The following SLC44A5 variants were observed in gnomAD, a reference collection of about 807,000 sequenced individuals.
The protein encoded by SLC44A5 is choline transporter-like protein 5.
Under a neutral mutation model 101.8 loss-of-function variants are expected in SLC44A5, and 57 were observed. That is an observed-to-expected ratio of 0.56 (90% CI 0.45 to 0.70). The LOEUF (loss-of-function observed/expected upper bound fraction) is 0.70. SLC44A5 is among the 30% of genes least tolerant of loss of function. The pLI, the probability that SLC44A5 is intolerant of heterozygous loss-of-function variation, is 0.00. For missense variants in SLC44A5, 737 were observed against 853.1 expected, an observed-to-expected ratio of 0.86 and a Z score of 1.70; for synonymous variants, 281 against 290.9, an observed-to-expected ratio of 0.97 and a Z score of 0.35.
the SLC44A5 span, among the ~76,000 whole-genome samples, chr1:75,664,494 C>T: frequency 6.6e-6 from 1 of 151,998 alleles, no homozygotes; most frequent in Non-Finnish European, 1.5e-5. Flanking sequence ...GTACAAAAAT[C>T]AGTAGGATTC....
chr1:75,564,210 C>A (rs561115148), intron 1 of SLC44A5, among the ~76,000 whole-genome samples: 1 of 152,256 alleles, frequency 6.6e-6, no homozygotes, highest in Non-Finnish European at 1.5e-5. Context: ...ATCTACTGTG[C>A]TAAACCCAAA....
the SLC44A5 span, among the ~76,000 whole-genome samples, chr1:75,658,264 TG>T: frequency 6.6e-6 from 1 of 151,970 alleles, no homozygotes; most frequent in Non-Finnish European, 1.5e-5. Flanking sequence ...TTTGTAGAGA[TG>T]GGGTTTCACC....
the SLC44A5 span, among the ~76,000 whole-genome samples, chr1:75,676,361 C>T: frequency 1.3e-5 from 2 of 152,140 alleles, no homozygotes; most frequent in Non-Finnish European, 2.9e-5. Flanking sequence ...AAATACTATG[C>T]AGATGCAGCC....
chr1:75,627,038 T>C, the SLC44A5 span, among the ~76,000 whole-genome samples: 1 of 152,172 alleles, frequency 6.6e-6, no homozygotes, highest in African/African-American at 2.4e-5. Context: ...TTCAATCACA[T>C]TGTTTTTTCA....
chr1:75,473,403 A>T (rs908406437), intron 2 of SLC44A5, among the ~76,000 whole-genome samples: 2 of 152,222 alleles, frequency 1.3e-5, no homozygotes, highest in Non-Finnish European at 2.9e-5. Context: ...AATATGACTC[A>T]ACTTCACTTG....
intron 4 of SLC44A5, 135 bp from the exon 5 acceptor site, chr1:75,300,820 T>G (rs1228790666): frequency 3.9e-6 from 2 of 510,134 alleles, no homozygotes; most frequent in Non-Finnish European, 6.4e-6. Flanking sequence ...TATTCAATAA[T>G]TTTGAAAGGT....
chr1:75,384,207 T>C (rs1661126819), intron 3 of SLC44A5, among the ~76,000 whole-genome samples: 1 of 152,144 alleles, frequency 6.6e-6, no homozygotes, highest in Non-Finnish European at 1.5e-5. Flanking sequence ...CACATAACAA[T>C]ATTAACTTTA....
At chr1:75,326,672 A>G (rs1046431050) in intron 4 of SLC44A5, among the ~76,000 whole-genome samples, 1 of 152,188 alleles carries the variant, frequency 6.6e-6, no homozygotes, top group African/African-American at 2.4e-5. Context: ...TTATGTACAA[A>G]CATTTTGGGG....
chr1:75,679,416 A>C, the SLC44A5 span, among the ~76,000 whole-genome samples: 96 of 152,334 alleles, frequency 6.3e-4, no homozygotes, highest in Non-Finnish European at 1.2e-3. Flanking sequence ...CGGATCTCTC[A>C]ACAGAACCCC....
intron 9 of SLC44A5, 27 bp from the exon 10 acceptor site, chr1:75,238,663 A>C: frequency 6.9e-7 from 1 of 1,452,460 alleles, no homozygotes; most frequent in Non-Finnish European, 9.3e-7. Flanking sequence ...AAATTATTGT[A>C]ATCACTTTTC....
the SLC44A5 span, among the ~76,000 whole-genome samples, chr1:75,719,924 C>A: frequency 6.6e-6 from 1 of 152,176 alleles, no homozygotes; most frequent in Non-Finnish European, 1.5e-5. Context: ...AGACTCTACA[C>A]ATGAATTAGT....
intron 1 of SLC44A5, among the ~76,000 whole-genome samples, chr1:75,572,502 A>G (rs1308615739): frequency 6.6e-6 from 1 of 152,230 alleles, no homozygotes; most frequent in African/African-American, 2.4e-5. Context: ...GAAATATATT[A>G]CTAACGCACT....
chr1:75,387,922 G>A (rs1447528306), intron 3 of SLC44A5, among the ~76,000 whole-genome samples: 18 of 148,642 alleles, frequency 1.2e-4, no homozygotes, highest in African/African-American at 4.3e-4. Flanking sequence ...GGACATGGAT[G>A]AAATTGGAAA....
intron 6 of SLC44A5, among the ~76,000 whole-genome samples, chr1:75,262,139 A>C (rs1570503279): frequency 6.6e-6 from 1 of 152,326 alleles, no homozygotes; most frequent in Non-Finnish European, 1.5e-5. Flanking sequence ...TGGCCAGGGC[A>C]ATCAAGAAAG....
At chr1:75,456,612 A>T (rs1666200817) in intron 2 of SLC44A5, among the ~76,000 whole-genome samples, 1 of 152,180 alleles carries the variant, frequency 6.6e-6, no homozygotes. Flanking sequence ...TTCTGTTTTC[A>T]CTTGGAGTTT....
intron 2 of SLC44A5, among the ~76,000 whole-genome samples, chr1:75,525,158 T>C (rs892374144): frequency 6.6e-6 from 1 of 152,168 alleles, no homozygotes; most frequent in Non-Finnish European, 1.5e-5. Flanking sequence ...AGGTGAAAGA[T>C]TGTTGAGATA....
At chr1:75,619,626 G>A in the SLC44A5 span, among the ~76,000 whole-genome samples, 1 of 152,046 alleles carries the variant, frequency 6.6e-6, no homozygotes, top group Non-Finnish European at 1.5e-5. Context: ...TGTAGACTAT[G>A]AGCTATGTGT....
intron 1 of SLC44A5, among the ~76,000 whole-genome samples, chr1:75,610,207 GCTCTT>G (rs1291450010): frequency 6.6e-6 from 1 of 151,054 alleles, no homozygotes; most frequent in African/African-American, 2.4e-5. Flanking sequence ...TAGGAACTGA[GCTCTT>G]CTTCTCTCTC....
chr1:75,401,253 A>G (rs1255045268), intron 2 of SLC44A5, among the ~76,000 whole-genome samples: 1 of 152,176 alleles, frequency 6.6e-6, no homozygotes, highest in Non-Finnish European at 1.5e-5. Context: ...TTTAACAAAC[A>G]TTTACTGAAC....
Sources: allele counts gnomAD v4.1 joint callset (sites outside exome capture counted in the v4.1 genomes callset), GRCh38; gene constraint gnomAD v4.1.1; transcripts MANE v1.5; gene names NCBI Gene and HGNC (gene_info 2026-07-23, HGNC 2026-07-21).